ADGRV1: variants seen among roughly 807,000 people sequenced by gnomAD.
The protein encoded by ADGRV1 is adhesion G protein-coupled receptor V1, also known as G-protein coupled receptor 98.
Under a neutral mutation model 596.2 loss-of-function variants are expected in ADGRV1, and 359 were observed. The ratio of observed to expected loss-of-function variants is 0.60; its 90% CI spans 0.55 to 0.66. ADGRV1 has a LOEUF of 0.66. Ranked by LOEUF, ADGRV1 falls within the 30% of genes least tolerant of loss-of-function variation. The pLI is 0.00. For missense variants in ADGRV1, 7,274 were observed against 7,575.6 expected, an observed-to-expected ratio of 0.96 and a Z score of 1.48; for synonymous variants, 2,681 against 2,679.2, an observed-to-expected ratio of 1.00 and a Z score of -0.02.
At chr5:90,584,657 A>G (rs1303731580) in intron 1 of ADGRV1, among the ~76,000 whole-genome samples, 1 of 152,192 alleles carries the variant, frequency 6.6e-6, no homozygotes, top group African/African-American at 2.4e-5. Flanking sequence ...CTGTGGGGTG[A>G]CTTTAGCTTC....
intron 86 of ADGRV1, among the ~76,000 whole-genome samples, chr5:91,092,940 T>G (rs543843452): frequency 4.1e-4 from 63 of 152,216 alleles, no homozygotes; most frequent in Admixed American, 2.0e-3. Flanking sequence ...TTGTGCTGAG[T>G]GCTTTGTGTG....
intron 85 of ADGRV1, among the ~76,000 whole-genome samples, chr5:91,061,216 T>C (rs1787403697): frequency 6.6e-6 from 1 of 152,180 alleles, no homozygotes; most frequent in Admixed American, 6.5e-5. Context: ...AGAGCATTCA[T>C]ACATACAAAA....
chr5:90,829,241 G>T, intron 77 of ADGRV1, 55 bp downstream of exon 77: 1 of 1,303,276 alleles, frequency 7.7e-7, no homozygotes, highest in Middle Eastern at 2.2e-4. Context: ...TTTAACTACA[G>T]CAAGAGTAAT....
At chr5:90,742,954 G>C (rs1236026521) in intron 50 of ADGRV1, among the ~76,000 whole-genome samples, 1 of 152,134 alleles carries the variant, frequency 6.6e-6, no homozygotes, top group Non-Finnish European at 1.5e-5. Context: ...AGGCTTTTAG[G>C]GGCAGAGAAA....
chr5:90,810,147 T>C, intron 73 of ADGRV1, 86 bp from the exon 74 acceptor site: 1 of 1,129,016 alleles, frequency 8.9e-7, no homozygotes, highest in Admixed American at 2.9e-5. Flanking sequence ...ATGAGCAGCA[T>C]TTTAAATATG....
chr5:90,622,228 C>G (rs1333955963), intron 4 of ADGRV1, among the ~76,000 whole-genome samples: 1 of 152,144 alleles, frequency 6.6e-6, no homozygotes, highest in Non-Finnish European at 1.5e-5. Flanking sequence ...GTCCCAGTGA[C>G]CTGCTGCCTT....
chr5:90,695,747 T>A (rs1001991161), intron 33 of ADGRV1, among the ~76,000 whole-genome samples: 5 of 152,088 alleles, frequency 3.3e-5, no homozygotes, highest in African/African-American at 1.2e-4. Context: ...ATTTTTATTA[T>A]GGTTATTTTC....
intron 33 of ADGRV1, among the ~76,000 whole-genome samples, chr5:90,695,008 G>A (rs1276427208): frequency 1.3e-5 from 2 of 152,144 alleles, no homozygotes; most frequent in African/African-American, 2.4e-5. Flanking sequence ...TATAAGGCAA[G>A]TTCTAATTTT....
chr5:90,855,169 A>G (rs1766906545), intron 81 of ADGRV1, among the ~76,000 whole-genome samples: 1 of 152,182 alleles, frequency 6.6e-6, no homozygotes, highest in Non-Finnish European at 1.5e-5. Context: ...AATGTTTGCT[A>G]AAATTATGAC....
At chr5:90,880,568 A>C (rs989587714) in intron 83 of ADGRV1, among the ~76,000 whole-genome samples, 2 of 152,214 alleles carry the variant, frequency 1.3e-5, no homozygotes, top group African/African-American at 4.8e-5. Flanking sequence ...GTTAGCTTGA[A>C]AAGCAGATTC....
At position 90,830,259 on chromosome 5, in the gene ADGRV1, A is replaced by G. The variant is rs148019109; in HGVS notation, c.16611+1073A>G. ...GCAGCAAACAAAAAGAAAACTCCCT[A>G]TTATATGAGACCCTAGAAATAAAGT... On this transcript the variant is annotated intron_variant, in intron 77 of 89. Transcript: ENST00000405460. Among the ~76,000 whole-genome samples the G allele has an allele frequency of 3.2e-4, 49 of 152,260 alleles. 1 individual carries two copies. The East Asian group carries it at 5.4e-3, about 17-fold the overall frequency.
Position 90,815,635 on chromosome 5 carries a change from T to G in ADGRV1, c.16095T>G (p.Asn5365Lys). 1.3e-6 allele frequency: 2 copies of G among 1,566,922 alleles called. No homozygotes were observed. The highest frequency in any genetic ancestry group is 1.7e-6 in the Non-Finnish European group (2 of 1,152,388). The change falls in exon 75 of 90, where the codon AAT (asparagine) becomes AAG (lysine). Residue 5365 changes from asparagine (N) to lysine (K), a missense_variant. By Grantham distance (94) the Asn-to-Lys change is moderately conservative. Transcript: ENST00000405460. Reference protein sequence around the residue: ...MVIITGSDLHNGIIGFSEESQ... With the variant: ...MVIITGSDLHKGIIGFSEESQ... ...TTTTTTCAGGGAGTGACCTTCACAA[T>G]GGCATCATAGGATTCAGTGAGGAGT...
chr5:90,711,150 TTTTG>T (rs781513761), intron 40 of ADGRV1, 30 bp from the exon 41 acceptor site: 5 of 1,584,164 alleles, frequency 3.2e-6, no homozygotes, highest in Non-Finnish European at 3.4e-6. Flanking sequence ...AATTAATTTT[TTTTG>T]TTTGTTTTTG....
chr5:91,156,972 AG>A (rs1412747258), intron 89 of ADGRV1, among the ~76,000 whole-genome samples: 1 of 152,248 alleles, frequency 6.6e-6, no homozygotes, highest in Non-Finnish European at 1.5e-5. Context: ...TAGAATTTCT[AG>A]AAAAATCTAG....
At chr5:90,666,484 T>C (rs999258113) in intron 21 of ADGRV1, among the ~76,000 whole-genome samples, 13 of 151,530 alleles carry the variant, frequency 8.6e-5, no homozygotes, top group African/African-American at 2.9e-4. Flanking sequence ...TTCCTCAATC[T>C]TTTTATTTTG....
At chr5:90,855,189 C>T (rs542158733) in intron 81 of ADGRV1, among the ~76,000 whole-genome samples, 12 of 152,208 alleles carry the variant, frequency 7.9e-5, no homozygotes, top group African/African-American at 2.9e-4. Context: ...CATGGTTTTT[C>T]TGCTAAATTA....
intron 83 of ADGRV1, among the ~76,000 whole-genome samples, chr5:90,961,951 G>A (rs909464515): frequency 2.0e-5 from 3 of 152,114 alleles, no homozygotes; most frequent in Non-Finnish European, 4.4e-5. Context: ...GGAGTAAAAC[G>A]AATTGAGAAA....
chr5:91,041,967 A>C (rs532372640), intron 85 of ADGRV1, among the ~76,000 whole-genome samples: 3 of 152,222 alleles, frequency 2.0e-5, no homozygotes, highest in African/African-American at 7.2e-5. Context: ...GATGTGGCTA[A>C]AATTAGCCCT....
chr5:90,637,296 T>G (rs902135493), intron 10 of ADGRV1, among the ~76,000 whole-genome samples: 2 of 152,160 alleles, frequency 1.3e-5, no homozygotes, highest in Non-Finnish European at 2.9e-5. Flanking sequence ...TTATATGAGA[T>G]AATTTTCCAG....
Sources: allele counts gnomAD v4.1 joint callset (sites outside exome capture counted in the v4.1 genomes callset), GRCh38; gene constraint gnomAD v4.1.1; transcripts MANE v1.5; gene names NCBI Gene and HGNC (gene_info 2026-07-23, HGNC 2026-07-21).